Variants in GMPS observed in about 807,000 individuals in gnomAD.
The protein encoded by GMPS is GMP synthase [glutamine-hydrolyzing].
GMPS carries 15 observed loss-of-function variants against 77.9 expected under a neutral mutation model. The ratio of observed to expected loss-of-function variants is 0.19; its 90% CI spans 0.13 to 0.30. The LOEUF (loss-of-function observed/expected upper bound fraction) is 0.30. Ranked by LOEUF, GMPS falls within the 10% of genes least tolerant of loss-of-function variation. The probability of loss-of-function intolerance (pLI) is 1.00; values close to 1 mark genes in which losing one functional copy is unlikely to be tolerated. For synonymous variants in GMPS, 224 were observed against 275.9 expected, an observed-to-expected ratio of 0.81 and a Z score of 1.86; for missense variants, 590 against 838.8, an observed-to-expected ratio of 0.70 and a Z score of 3.66.
At chr3:155,898,956 C>T (rs116141590) in intron 3 of GMPS, among the ~76,000 whole-genome samples, 3,734 of 152,286 alleles carry the variant, frequency 0.025, 179 homozygotes, top group African/African-American at 0.085. Context: ...ATAGGCCAGG[C>T]GTGGTGGCTC....
chr3:155,890,341 AAAT>A (rs1319185272), intron 1 of GMPS, among the ~76,000 whole-genome samples: 1 of 152,228 alleles, frequency 6.6e-6, no homozygotes, highest in African/African-American at 2.4e-5. Flanking sequence ...AAACAGCTAA[AAAT>A]AATAATGCAA....
At chr3:155,895,435 G>A (rs911858344) in intron 2 of GMPS, 3 of 151,890 alleles carry the variant, frequency 2.0e-5, no homozygotes, top group Admixed American at 6.6e-5. Context: ...CTCAGCCTCC[G>A]GAGTAGCTGG....
rs566628411 is a variant in GMPS, at chr3:155,879,520, G to A, written c.27+8623G>A. On this transcript the variant is annotated intron_variant, in intron 1 of 15. Coordinates refer to ENST00000496455, the MANE Select transcript of GMPS (RefSeq NM_003875.3). ...GATCTCAGGTGATCTGCCTGCCTTG[G>A]CCTCTCAAAGTGCTGGGATTACAGG... Among the ~76,000 whole-genome samples, 14 of 152,136 alleles carry A rather than the reference G, an allele frequency of 9.2e-5. No homozygotes were observed. The South Asian group carries it at 2.3e-3, about 25-fold the overall frequency.
chr3:155,941,039 G>A lies in GMPS; in HGVS notation c.*3347G>A. 1 of 194,382 alleles carries A rather than the reference G, an allele frequency of 5.1e-6. No homozygotes were observed. The highest frequency in any genetic ancestry group is 2.3e-5 in the African/African-American group (1 of 43,254). The allele number at this position is 194,382 out of a possible 1,614,324, so 12.0% of individuals were successfully genotyped here. A position where few individuals can be genotyped will look rare whatever the true frequency, so the allele number is the denominator to read the frequency against. ...ATACAGCTAATTGTTGGGAGCTAGA[G>A]CTAGAATCCAAGCTTTCTGATTCTC... On this transcript the variant is annotated 3_prime_UTR_variant, in exon 16 of 16. Coordinates refer to ENST00000496455, the MANE Select transcript of GMPS (RefSeq NM_003875.3).
Position 155,922,266 on chromosome 3 carries a change from GA to G in GMPS, c.1402del (p.Ile468Ter). On this transcript the variant is annotated frameshift_variant, in exon 11 of 16. Coordinates refer to ENST00000496455, the MANE Select transcript of GMPS (RefSeq NM_003875.3). LOFTEE classifies it high-confidence loss of function. Reference sequence around the variant, plus strand: ...ACTTTCCTGAAACCAACAATATTTTGAAAATAGTAGCTGATTTTTCTGCAAG... The same window carrying G: ...ACTTTCCTGAAACCAACAATATTTTGAAATAGTAGCTGATTTTTCTGCAAG... ...KDFPETNNIL[K>X]IVADFSASVK... 1 of 1,526,808 alleles carries G rather than the reference GA, an allele frequency of 6.5e-7. No homozygotes were observed. The highest frequency in any genetic ancestry group is 8.9e-7 in the Non-Finnish European group (1 of 1,124,898). 94.6% of individuals were successfully genotyped at this position (1,526,808 alleles called of 1,614,324 possible).
intron 12 of GMPS, among the ~76,000 whole-genome samples, chr3:155,930,827 A>G (rs1454331253): frequency 6.6e-6 from 1 of 152,048 alleles, no homozygotes. Flanking sequence ...TCATAATTTT[A>G]TTTTATTTTT....
chr3:155,891,438 G>A (rs1236182290), intron 1 of GMPS, among the ~76,000 whole-genome samples: 1 of 152,072 alleles, frequency 6.6e-6, no homozygotes, highest in African/African-American at 2.4e-5. Context: ...TAAGGGTAAA[G>A]GTCTGAAAGG....
chr3:155,892,520 A>G (rs1278737282), intron 1 of GMPS, among the ~76,000 whole-genome samples: 1 of 152,240 alleles, frequency 6.6e-6, no homozygotes, highest in Non-Finnish European at 1.5e-5. Flanking sequence ...AGCATCTTCC[A>G]GGTAAGTATT....
At chr3:155,903,558 A>G (rs371463580) in intron 3 of GMPS, among the ~76,000 whole-genome samples, 2 of 152,322 alleles carry the variant, frequency 1.3e-5, no homozygotes, top group South Asian at 2.1e-4. Context: ...AGTAATTAAG[A>G]TATCTCTATT....
At chr3:155,913,957 T>C (rs1755102933) in intron 7 of GMPS, among the ~76,000 whole-genome samples, 1 of 152,102 alleles carries the variant, frequency 6.6e-6, no homozygotes, top group Non-Finnish European at 1.5e-5. Flanking sequence ...TTTCTTATTT[T>C]TTTTTTGGGG....
intron 1 of GMPS, 71 bp from the exon 2 acceptor site, chr3:155,893,447 T>G (rs1222724142): frequency 3.0e-6 from 3 of 994,856 alleles, no homozygotes; most frequent in Admixed American, 5.5e-5. Context: ...ACAGTGATCA[T>G]TAATTTTTTT....
At chr3:155,919,105 G>A in intron 9 of GMPS, 128 bp from the exon 10 acceptor site, 1 of 556,982 alleles carries the variant, frequency 1.8e-6, no homozygotes, top group South Asian at 2.8e-5. Flanking sequence ...TTTAAAAGAT[G>A]CATTTTTAGT....
intron 7 of GMPS, among the ~76,000 whole-genome samples, chr3:155,913,499 A>G (rs1755091087): frequency 6.7e-6 from 1 of 150,254 alleles, no homozygotes; most frequent in South Asian, 2.1e-4. Context: ...GAAGCACTGA[A>G]GAGAGGGAAA....
At chr3:155,894,305 C>A (rs752345811) in intron 2 of GMPS, among the ~76,000 whole-genome samples, 5 of 152,144 alleles carry the variant, frequency 3.3e-5, no homozygotes, top group Non-Finnish European at 5.9e-5. Context: ...CTCACTGCAA[C>A]CTCCACCTCC....
chr3:155,876,427 A>G (rs923184984), intron 1 of GMPS, among the ~76,000 whole-genome samples: 2 of 152,256 alleles, frequency 1.3e-5, no homozygotes, highest in South Asian at 4.1e-4. Context: ...ACGAGAAGTT[A>G]AAAATGAGAA....
rs1020224734 is a variant in GMPS at position 155,896,509 on chromosome 3, C to T, written c.210-1418C>T. Among the ~76,000 whole-genome samples the T allele has an allele frequency of 7.2e-5, 11 of 152,024 alleles. No individual in the cohort carries two copies. In the South Asian group the frequency reaches 1.5e-3, roughly 20 times the overall value. ...AAAGTTCAAAAGGTGCTTTTGAGCT[C>T]ATTGAAGTTGCTGTTTTTTTAAAAA... On this transcript the variant is annotated intron_variant, in intron 2 of 15. Transcript: ENST00000496455.
intron 3 of GMPS, among the ~76,000 whole-genome samples, chr3:155,901,573 T>C (rs1754738516): frequency 1.3e-5 from 2 of 152,260 alleles, no homozygotes; most frequent in South Asian, 4.1e-4. Context: ...AAATGATATT[T>C]TTTCCCTCAG....
At chr3:155,923,672 A>T (rs1350146697) in intron 11 of GMPS, among the ~76,000 whole-genome samples, 1 of 152,250 alleles carries the variant, frequency 6.6e-6, no homozygotes, top group Non-Finnish European at 1.5e-5. Flanking sequence ...AGTTATTTCG[A>T]GATTAAATAG....
At position 155,941,537 on chromosome 3, in the gene GMPS, C is replaced by G; in HGVS notation, c.*3845C>G. 1 of 218,498 alleles carries G rather than the reference C, an allele frequency of 4.6e-6. No homozygotes were observed. Among genetic ancestry groups the G allele is most frequent in the Middle Eastern group, 1.4e-3 (1 of 712 alleles). 13.5% of individuals were successfully genotyped at this position (218,498 alleles called of 1,614,324 possible). On this transcript the variant is annotated 3_prime_UTR_variant, in exon 16 of 16. Transcript: ENST00000496455. ...CTGTCTTTCAGAAATTCTCTGACAT[C>G]TGCTTGCGCAATGTTATAACCACTT...
Sources: gnomAD v4.1 joint callset for allele counts (sites outside exome capture counted in the v4.1 genomes callset) on GRCh38, gnomAD v4.1.1 for gene constraint, MANE v1.5 for transcripts, NCBI Gene and HGNC (gene_info 2026-07-23, HGNC 2026-07-21) for gene names.